Variants in ARL3 observed in about 807,000 individuals in gnomAD.
The protein encoded by ARL3 is ARF like GTPase 3.
Under a neutral mutation model 26.0 loss-of-function variants are expected in ARL3, and 9 were observed. The observed-to-expected ratio is 0.35, with a 90% CI of 0.21 to 0.60. ARL3 has a LOEUF of 0.60. Among genes scored for constraint, ARL3 ranks in the 20% least tolerant of loss-of-function variants. The pLI, the probability that ARL3 is intolerant of heterozygous loss-of-function variation, is 0.78. For synonymous variants in ARL3, 71 were observed against 78.4 expected, an observed-to-expected ratio of 0.91 and a Z score of 0.50; for missense variants, 158 against 215.7, an observed-to-expected ratio of 0.73 and a Z score of 1.67.
At chr10:102,686,024 G>A in intron 4 of ARL3, 23 bp from the exon 5 acceptor site, 1 of 1,597,972 alleles carries the variant, frequency 6.3e-7, no homozygotes. Flanking sequence ...AAGGGAGAGG[G>A]AGGGAAGGTT....
At chr10:102,711,512 G>A (rs1019896181) in intron 1 of ARL3, among the ~76,000 whole-genome samples, 11 of 152,054 alleles carry the variant, frequency 7.2e-5, no homozygotes, top group Non-Finnish European at 1.2e-4. Flanking sequence ...GGCACTTTGG[G>A]AGGCCGAGGC....
chr10:102,694,210 C>T (rs1280673939), intron 3 of ARL3, among the ~76,000 whole-genome samples: 2 of 150,992 alleles, frequency 1.3e-5, no homozygotes, highest in Admixed American at 1.3e-4. Flanking sequence ...AGGATGGTCT[C>T]GATCTCCTGA....
At chr10:102,685,391 G>A (rs189873748) in intron 5 of ARL3, among the ~76,000 whole-genome samples, 413 of 152,246 alleles carry the variant, frequency 2.7e-3, no homozygotes, top group Middle Eastern at 6.8e-3. Context: ...CCAACCCTAG[G>A]GGTAGGGAAG....
intron 3 of ARL3, among the ~76,000 whole-genome samples, chr10:102,694,489 G>T (rs1374243977): frequency 2.0e-5 from 3 of 151,964 alleles, no homozygotes; most frequent in Admixed American, 1.3e-4. Context: ...AAGGAAAAAA[G>T]AATCTATTTT....
At chr10:102,694,558 G>A (rs1404335703) in intron 3 of ARL3, among the ~76,000 whole-genome samples, 1 of 151,828 alleles carries the variant, frequency 6.6e-6, no homozygotes, top group Non-Finnish European at 1.5e-5. Context: ...GCATGTCGAT[G>A]TCCCATTATT....
At chr10:102,708,924 A>G (rs1231840713) in intron 1 of ARL3, among the ~76,000 whole-genome samples, 1 of 73,604 alleles carries the variant, frequency 1.4e-5, no homozygotes. Context: ...TTTTTTTTTG[A>G]GACAAGGTCT....
intron 3 of ARL3, among the ~76,000 whole-genome samples, chr10:102,694,268 C>T (rs1235955625): frequency 6.6e-6 from 1 of 152,208 alleles, no homozygotes; most frequent in East Asian, 1.9e-4. Context: ...GGATTACAGG[C>T]ATGAGCCACC....
chr10:102,682,078 TG>T (rs2064158323), intron 5 of ARL3, among the ~76,000 whole-genome samples: 1 of 152,186 alleles, frequency 6.6e-6, no homozygotes, highest in Non-Finnish European at 1.5e-5. Context: ...CCTGGCAACC[TG>T]GGCCTGACCT....
At chr10:102,682,733 C>A (rs555888063) in intron 5 of ARL3, among the ~76,000 whole-genome samples, 1 of 152,316 alleles carries the variant, frequency 6.6e-6, no homozygotes, top group African/African-American at 2.4e-5. Flanking sequence ...TTTGATTAAA[C>A]ATGTACGATG....
chr10:102,705,594 G>C, intron 1 of ARL3, 105 bp from the exon 2 acceptor site: 1 of 1,159,328 alleles, frequency 8.6e-7, no homozygotes, highest in South Asian at 2.5e-5. Flanking sequence ...GTTATGGAGA[G>C]CTTATGTTAT....
intron 2 of ARL3, among the ~76,000 whole-genome samples, chr10:102,703,633 C>T (rs765242975): frequency 1.2e-4 from 18 of 149,668 alleles, no homozygotes; most frequent in East Asian, 2.0e-4. Context: ...TTAGTAGAGA[C>T]GGGGTTTCAC....
chr10:102,714,213 C>A, intron 1 of ARL3, 60 bp downstream of exon 1: 1 of 1,312,542 alleles, frequency 7.6e-7, no homozygotes, highest in Non-Finnish European at 9.8e-7. Context: ...CCGCCCTGGG[C>A]CTGGGGACGG....
At chr10:102,708,480 T>C (rs1253155676) in intron 1 of ARL3, among the ~76,000 whole-genome samples, 6 of 152,146 alleles carry the variant, frequency 3.9e-5, no homozygotes. Context: ...ATTAGTACAT[T>C]AAATGACACA....
At chr10:102,705,141 GTC>G (rs2064302430) in intron 2 of ARL3, among the ~76,000 whole-genome samples, 1 of 152,066 alleles carries the variant, frequency 6.6e-6, no homozygotes. Context: ...TCTGCATTCT[GTC>G]TCTATGAATC....
At chr10:102,707,109 A>G (rs907271840) in intron 1 of ARL3, among the ~76,000 whole-genome samples, 1 of 152,136 alleles carries the variant, frequency 6.6e-6, no homozygotes, top group African/African-American at 2.4e-5. Context: ...AGCCCTGGCA[A>G]CATAGTGAGA....
intron 1 of ARL3, among the ~76,000 whole-genome samples, chr10:102,706,367 G>A (rs1590128375): frequency 6.6e-6 from 1 of 151,958 alleles, no homozygotes; most frequent in East Asian, 1.9e-4. Flanking sequence ...CAGGAGAATC[G>A]CTTGAACCTG....
At chr10:102,684,078 A>G (rs931242898) in intron 5 of ARL3, among the ~76,000 whole-genome samples, 1 of 152,164 alleles carries the variant, frequency 6.6e-6, no homozygotes, top group Non-Finnish European at 1.5e-5. Context: ...ATATGCACAC[A>G]AACTATATTG....
Position 102,674,841 on chromosome 10 carries a change from T to C in ARL3, c.*2053A>G, listed in dbSNP as rs1351407740. ...ATCAGAACATTTACAGAGGCCGTTA[T>C]CAGAGGAGTGGCTTCTGCCTGCTAG... On this transcript the variant is annotated 3_prime_UTR_variant, in exon 6 of 6. Coordinates refer to ENST00000260746, the MANE Select transcript of ARL3 (RefSeq NM_004311.4). The C allele has an allele frequency of 6.6e-6, 1 of 152,140 alleles. No homozygotes were observed. The highest frequency in any genetic ancestry group is 1.5e-5 in the Non-Finnish European group (1 of 68,008). 9.4% of individuals were successfully genotyped at this position (152,140 alleles called of 1,614,324 possible).
intron 1 of ARL3, among the ~76,000 whole-genome samples, chr10:102,709,663 AAAAAG>A (rs2064328033): frequency 6.6e-6 from 1 of 151,484 alleles, no homozygotes; most frequent in Non-Finnish European, 1.5e-5. Context: ...AAAAAAAAAA[AAAAAG>A]AGACAAACAT....
Sources: gnomAD v4.1 joint callset for allele counts (sites outside exome capture counted in the v4.1 genomes callset) on GRCh38, gnomAD v4.1.1 for gene constraint, MANE v1.5 for transcripts, NCBI Gene and HGNC (gene_info 2026-07-23, HGNC 2026-07-21) for gene names.